Variants in TRAF2 observed in about 807,000 individuals in gnomAD.
TRAF2 encodes the protein TNF receptor associated factor 2.
A neutral mutation model predicts 55.6 loss-of-function variants in TRAF2; 6 were observed. The ratio of observed to expected loss-of-function variants is 0.11; its 90% CI spans 0.06 to 0.21. The LOEUF is 0.21. Among genes scored for constraint, TRAF2 ranks in the 10% least tolerant of loss-of-function variants. TRAF2 has a pLI of 1.00. For missense variants in TRAF2, 561 were observed against 684.5 expected (o/e 0.82, Z 2.01); for synonymous variants, 329 against 276.3 (o/e 1.19, Z -1.89).
At chr9:136,923,762 T>C in intron 9 of TRAF2, 90 bp from the exon 10 acceptor site, 2 of 1,411,234 alleles carry the variant, frequency 1.4e-6, no homozygotes, top group South Asian at 2.6e-5. Flanking sequence ...GTAGGTGTTT[T>C]TGTCCCTGGG....
At chr9:136,911,705 C>T (rs1454040140) in intron 6 of TRAF2, among the ~76,000 whole-genome samples, 1 of 152,160 alleles carries the variant, frequency 6.6e-6, no homozygotes, top group Non-Finnish European at 1.5e-5. Context: ...CCCTTCAATG[C>T]AGGCCGACAT....
chr9:136,889,379 GT>G (rs1010682570), intron 1 of TRAF2, among the ~76,000 whole-genome samples: 1 of 151,810 alleles, frequency 6.6e-6, no homozygotes, highest in African/African-American at 2.4e-5. Context: ...TGCCTCCCAG[GT>G]TCAAGTGATT....
chr9:136,897,473 GGAATGCA>G (rs1564406881), intron 1 of TRAF2, among the ~76,000 whole-genome samples: 2 of 151,976 alleles, frequency 1.3e-5, no homozygotes, highest in Non-Finnish European at 2.9e-5. Context: ...GTAGCTAAAG[GGAATGCA>G]CTAGCCAGCC....
chr9:136,894,085 C>G (rs545556263), intron 1 of TRAF2, among the ~76,000 whole-genome samples: 1 of 108,818 alleles, frequency 9.2e-6, no homozygotes, highest in Non-Finnish European at 1.8e-5. Context: ...CTTGCCTCAT[C>G]GCCCAGGCTG....
chr9:136,921,511 C>A (rs17250574), intron 9 of TRAF2, among the ~76,000 whole-genome samples: 3 of 152,066 alleles, frequency 2.0e-5, no homozygotes, highest in African/African-American at 7.2e-5. Context: ...GGCACACAGC[C>A]CTAAAGCAGA....
rs372979237 is a variant in TRAF2, at chr9:136,887,744, CCTCTT to C, written c.-29+1206_-29+1210del. Among the ~76,000 whole-genome samples the C allele has an allele frequency of 3.4e-4, 52 of 152,250 alleles. 1 individual carries two copies. In the South Asian group the frequency reaches 8.3e-3, roughly 24 times the overall value. ...TGGACACTTGTAAGGTTCAAGATCT[CCTCTT>C]CTACCACGCTTGCTTCTGATACTTT... On this transcript the variant is annotated intron_variant, in intron 1 of 10. Transcript: ENST00000247668.
At chr9:136,917,167 G>A (rs1359785865) in intron 7 of TRAF2, among the ~76,000 whole-genome samples, 2 of 152,206 alleles carry the variant, frequency 1.3e-5, no homozygotes, top group East Asian at 1.9e-4. Flanking sequence ...CCAGGCTCAG[G>A]CGCTTATGGG....
chr9:136,888,291 A>G (rs1849499251), intron 1 of TRAF2, among the ~76,000 whole-genome samples: 3 of 152,164 alleles, frequency 2.0e-5, no homozygotes, highest in African/African-American at 7.2e-5. Context: ...GGTTAGAATC[A>G]GGTGCCATTG....
chr9:136,926,034 C>A lies in TRAF2; in HGVS notation c.*133C>A. 9.0e-7 allele frequency: 1 copy of A among 1,107,416 alleles called. No homozygotes were observed. The highest frequency in any genetic ancestry group is 1.4e-6 in the Non-Finnish European group (1 of 737,868). The allele number at this position is 1,107,416 out of a possible 1,614,324, so 68.6% of individuals were successfully genotyped here. ...GCTTGGGCGCTTGGGAGGGTGTCGG[C>A]CTGCAGCCAAGTTCACTGTCACGGG... On this transcript the variant is annotated 3_prime_UTR_variant, in exon 11 of 11. Transcript: ENST00000247668.
At chr9:136,918,758 C>CA (rs1850306452) in intron 7 of TRAF2, among the ~76,000 whole-genome samples, 1 of 150,340 alleles carries the variant, frequency 6.7e-6, no homozygotes, top group South Asian at 2.1e-4. Flanking sequence ...ATTTTTGAGA[C>CA]AGAGTCTTGC....
At chr9:136,924,552 A>T (rs577817339) in intron 10 of TRAF2, among the ~76,000 whole-genome samples, 1 of 152,088 alleles carries the variant, frequency 6.6e-6, no homozygotes, top group East Asian at 1.9e-4. Flanking sequence ...ACAGAGCAAG[A>T]GGGGGCTCTA....
At chr9:136,885,009 C>T (rs981611936), upstream of TRAF2, among the ~76,000 whole-genome samples, 2 of 152,212 alleles carry the variant, frequency 1.3e-5, no homozygotes, top group Non-Finnish European at 2.9e-5. Flanking sequence ...GGACTTGGGA[C>T]GTTTCCATGG....
intron 1 of TRAF2, chr9:136,890,535 A>T (rs1283071880): frequency 6.6e-6 from 1 of 152,156 alleles, no homozygotes; most frequent in African/African-American, 2.4e-5. Flanking sequence ...AAGCCGGAGG[A>T]GGTTCTGGTA....
intron 4 of TRAF2, among the ~76,000 whole-genome samples, chr9:136,903,035 C>T (rs1280951734): frequency 1.3e-5 from 2 of 152,092 alleles, no homozygotes; most frequent in Non-Finnish European, 2.9e-5. Context: ...GGCGTGACCT[C>T]GGCTCACTGC....
intron 6 of TRAF2, among the ~76,000 whole-genome samples, chr9:136,910,821 G>C (rs1850086329): frequency 6.6e-6 from 1 of 152,256 alleles, no homozygotes; most frequent in Non-Finnish European, 1.5e-5. Context: ...TGGGGGACGG[G>C]ACAGGGCTGT....
chr9:136,925,709 T>G lies in TRAF2; in HGVS notation c.1314T>G (p.Asn438Lys). The G allele has an allele frequency of 6.2e-7, 1 of 1,614,132 alleles. No individual in the cohort carries two copies. The highest frequency in any genetic ancestry group is 1.1e-5 in the South Asian group (1 of 91,084). Reference protein sequence around the residue: ...QKVTLMLLDQNNREHVIDAFR... With the variant: ...QKVTLMLLDQKNREHVIDAFR... Reference sequence around the variant, plus strand: ...TGACCTTAATGCTGCTCGACCAGAATAACCGGGAGCACGTGATTGACGCCT... The same window carrying G: ...TGACCTTAATGCTGCTCGACCAGAAGAACCGGGAGCACGTGATTGACGCCT... Residue 438 changes from asparagine (N) to lysine (K), a missense_variant, in exon 11 of 11, where the codon AAT (asparagine) becomes AAG (lysine). Transcript: ENST00000247668.
chr9:136,916,704 C>T, intron 7 of TRAF2, 89 bp downstream of exon 7: 2 of 1,321,450 alleles, frequency 1.5e-6, no homozygotes, highest in South Asian at 1.2e-5. Context: ...GGTTTCCTTC[C>T]AGCTGCTCCT....
chr9:136,888,768 C>G (rs1849510060), intron 1 of TRAF2, among the ~76,000 whole-genome samples: 1 of 152,210 alleles, frequency 6.6e-6, no homozygotes, highest in African/African-American at 2.4e-5. Context: ...TCTCAGCTGC[C>G]TGATGACTCC....
intron 6 of TRAF2, among the ~76,000 whole-genome samples, chr9:136,910,695 A>C (rs1239354982): frequency 6.6e-6 from 1 of 152,124 alleles, no homozygotes; most frequent in African/African-American, 2.4e-5. Context: ...CAGCTACAGG[A>C]GGGGTCAGGC....
Sources: gnomAD v4.1 joint callset for allele counts (sites outside exome capture counted in the v4.1 genomes callset) on GRCh38, gnomAD v4.1.1 for gene constraint, MANE v1.5 for transcripts, NCBI Gene and HGNC (gene_info 2026-07-23, HGNC 2026-07-21) for gene names.